Variants in VAT1L observed in about 807,000 individuals in gnomAD.
VAT1L encodes the protein putative NADPH-dependent quinone oxidoreductase VAT1L.
VAT1L carries 34 observed loss-of-function variants against 44.1 expected under a neutral mutation model. The ratio of observed to expected loss-of-function variants is 0.77; its 90% CI spans 0.59 to 1.03. The LOEUF (loss-of-function observed/expected upper bound fraction) is 1.03. Among genes scored for constraint, VAT1L ranks in the 50% least tolerant of loss-of-function variants. The pLI is 0.00. For missense variants in VAT1L, 615 were observed against 538.8 expected, an observed-to-expected ratio of 1.14 and a Z score of -1.40; for synonymous variants, 253 against 202.2, an observed-to-expected ratio of 1.25 and a Z score of -2.13.
rs763226220 is a variant in VAT1L, at chr16:77,977,653, G to C, written c.1218G>C (p.Glu406Asp). The C allele has an allele frequency of 8.1e-6, 13 of 1,614,130 alleles. No individual in the cohort carries two copies. Among genetic ancestry groups the C allele is most frequent in the Non-Finnish European group, 1.1e-5 (13 of 1,179,996 alleles). Residue 406 changes from glutamate to aspartate, a missense_variant, in exon 9 of 9, where the codon GAG becomes GAC. Coordinates refer to ENST00000302536, the MANE Select transcript of VAT1L (RefSeq NM_020927.3). ...CAGGGGAAGAGGAGGAGGACCACGA[G>C]GGAGACAGCGAGAACAAGGAGCGGA... ...SEAGEEEEDH[E>D]GDSENKERMP...
chr16:77,876,065 T>C (rs537251840), intron 4 of VAT1L, among the ~76,000 whole-genome samples: 54 of 152,304 alleles, frequency 3.5e-4, no homozygotes, highest in African/African-American at 1.3e-3. Flanking sequence ...AGCTAGAGAA[T>C]TTGAGTAAAG....
chr16:77,902,830 G>T (rs568147606), intron 7 of VAT1L, among the ~76,000 whole-genome samples: 1 of 151,778 alleles, frequency 6.6e-6, no homozygotes, highest in Non-Finnish European at 1.5e-5. Context: ...AAACCTAGCT[G>T]GGAATGGTTG....
intron 7 of VAT1L, among the ~76,000 whole-genome samples, chr16:77,889,922 A>C (rs900076568): frequency 6.6e-6 from 1 of 152,080 alleles, no homozygotes; most frequent in Non-Finnish European, 1.5e-5. Context: ...CCCCATCTCT[A>C]CTAAAAATAC....
At chr16:77,910,569 G>C (rs552842831) in intron 7 of VAT1L, among the ~76,000 whole-genome samples, 60 of 151,762 alleles carry the variant, frequency 4.0e-4, no homozygotes, top group Admixed American at 3.6e-3. Flanking sequence ...AGCTACTCGG[G>C]AGGCTGAGGC....
At chr16:77,842,425 T>C (rs1337611676) in intron 3 of VAT1L, among the ~76,000 whole-genome samples, 7 of 152,156 alleles carry the variant, frequency 4.6e-5, no homozygotes, top group African/African-American at 1.7e-4. Context: ...CAACCAAATA[T>C]GTGCATGGAG....
At chr16:77,860,998 G>C (rs886872032) in intron 3 of VAT1L, among the ~76,000 whole-genome samples, 1 of 152,144 alleles carries the variant, frequency 6.6e-6, no homozygotes, top group Non-Finnish European at 1.5e-5. Context: ...TGAAAAAGTG[G>C]GTAACCTTAA....
intron 7 of VAT1L, among the ~76,000 whole-genome samples, chr16:77,887,511 T>G (rs1233831453): frequency 6.6e-6 from 1 of 152,090 alleles, no homozygotes; most frequent in Non-Finnish European, 1.5e-5. Context: ...CAGCTAGCAT[T>G]AAGGAGGGTC....
chr16:77,903,222 A>G (rs1181527343), intron 7 of VAT1L, among the ~76,000 whole-genome samples: 1 of 152,096 alleles, frequency 6.6e-6, no homozygotes, highest in East Asian at 1.9e-4. Context: ...ATTTGGGAGG[A>G]ATTACGATAG....
intron 7 of VAT1L, among the ~76,000 whole-genome samples, chr16:77,906,062 C>CA (rs2017433566): frequency 6.6e-6 from 1 of 152,146 alleles, no homozygotes; most frequent in Admixed American, 6.5e-5. Context: ...ACTGTCCCCC[C>CA]AGTAATGAGT....
At chr16:77,868,811 C>T (rs115001434) in intron 4 of VAT1L, among the ~76,000 whole-genome samples, 2 of 151,928 alleles carry the variant, frequency 1.3e-5, no homozygotes, top group African/African-American at 4.8e-5. Context: ...ATTCTGCTAT[C>T]GGTGGCGCTG....
chr16:77,920,696 G>C (rs2017602184), intron 7 of VAT1L, among the ~76,000 whole-genome samples: 1 of 152,154 alleles, frequency 6.6e-6, no homozygotes, highest in Non-Finnish European at 1.5e-5. Context: ...GTATGTTGAT[G>C]TGTTTAGATA....
At chr16:77,970,237 C>G (rs557953789) in intron 7 of VAT1L, among the ~76,000 whole-genome samples, 14 of 152,016 alleles carry the variant, frequency 9.2e-5, no homozygotes, top group African/African-American at 2.4e-5. Context: ...CCCTGTCCCC[C>G]CAAAAATGTG....
Position 77,832,747 on chromosome 16 carries a change from C to T in VAT1L, c.579+7286C>T, listed in dbSNP as rs186830801. On this transcript the variant is annotated intron_variant, in intron 3 of 8. Transcript: ENST00000302536. Reference sequence around the variant, plus strand: ...TCAAACTATTTAAAAGGATAAACCACACAAGGGAGGGGAAGAATCTATAAA... The same window carrying T: ...TCAAACTATTTAAAAGGATAAACCATACAAGGGAGGGGAAGAATCTATAAA... Among the ~76,000 whole-genome samples the T allele has an allele frequency of 5.3e-4, 81 of 152,292 alleles. 1 individual carries two copies. The highest frequency in any genetic ancestry group is 1.9e-3 in the African/African-American group (79 of 41,568).
At chr16:77,871,905 C>T (rs371745981) in intron 4 of VAT1L, among the ~76,000 whole-genome samples, 6 of 152,040 alleles carry the variant, frequency 3.9e-5, no homozygotes, top group East Asian at 1.9e-4. Context: ...AGAGGTTTTG[C>T]GTACTCTTTC....
chr16:77,792,759 T>G (rs560299774), intron 1 of VAT1L, among the ~76,000 whole-genome samples: 1 of 152,202 alleles, frequency 6.6e-6, no homozygotes, highest in Non-Finnish European at 1.5e-5. Context: ...CTGGTTGGCC[T>G]TGGCCATGTT....
At chr16:77,829,099 C>T (rs556242979) in intron 3 of VAT1L, among the ~76,000 whole-genome samples, 28 of 152,262 alleles carry the variant, frequency 1.8e-4, no homozygotes, top group Admixed American at 1.7e-3. Flanking sequence ...CTCAATTTGG[C>T]TGATTCCAAA....
chr16:77,952,345 C>G (rs948442818), intron 7 of VAT1L, among the ~76,000 whole-genome samples: 3 of 152,118 alleles, frequency 2.0e-5, no homozygotes, highest in Non-Finnish European at 4.4e-5. Flanking sequence ...GAGATGGGGC[C>G]TAGTGGGAGG....
At chr16:77,878,037 G>T (rs1016821145) in intron 5 of VAT1L, among the ~76,000 whole-genome samples, 1 of 152,168 alleles carries the variant, frequency 6.6e-6, no homozygotes, top group African/African-American at 2.4e-5. Context: ...TTTTGTCCCA[G>T]TTTCTTGATG....
At chr16:77,824,437 G>C (rs1331703825) in intron 2 of VAT1L, among the ~76,000 whole-genome samples, 1 of 152,064 alleles carries the variant, frequency 6.6e-6, no homozygotes, top group Admixed American at 6.5e-5. Context: ...TATTTTAAAA[G>C]TTATTCGTTT....
Sources: allele counts gnomAD v4.1 joint callset (sites outside exome capture counted in the v4.1 genomes callset), GRCh38; gene constraint gnomAD v4.1.1; transcripts MANE v1.5; gene names NCBI Gene and HGNC (gene_info 2026-07-23, HGNC 2026-07-21).